The following RSRC1 variants were observed in gnomAD, a reference collection of about 807,000 sequenced individuals.
RSRC1 encodes the protein arginine and serine rich coiled-coil 1, also known as serine/Arginine-related protein 53.
RSRC1 carries 39 observed loss-of-function variants against 49.1 expected under a neutral mutation model. The ratio of observed to expected loss-of-function variants is 0.79; its 90% CI spans 0.61 to 1.04. RSRC1 has a LOEUF of 1.04. RSRC1 is among the 50% of genes least tolerant of loss of function. The pLI, the probability that RSRC1 is intolerant of heterozygous loss-of-function variation, is 0.00. For missense variants in RSRC1, 388 were observed against 402.4 expected (o/e 0.96, Z 0.31); for synonymous variants, 143 against 130.8 (o/e 1.09, Z -0.63).
chr3:158,455,835 C>T (rs890681998), intron 6 of RSRC1, among the ~76,000 whole-genome samples: 4 of 151,774 alleles, frequency 2.6e-5, no homozygotes, highest in Admixed American at 6.6e-5. Flanking sequence ...CAAAAATTAG[C>T]TGGGCATGGT....
intron 5 of RSRC1, among the ~76,000 whole-genome samples, chr3:158,304,798 T>C (rs1408067531): frequency 6.6e-6 from 1 of 152,178 alleles, no homozygotes; most frequent in Non-Finnish European, 1.5e-5. Context: ...ACTGTGATCA[T>C]GAGATGAAAC....
At chr3:158,385,466 A>G (rs1356720400) in intron 6 of RSRC1, among the ~76,000 whole-genome samples, 2 of 152,192 alleles carry the variant, frequency 1.3e-5, no homozygotes, top group African/African-American at 2.4e-5. Flanking sequence ...AAATGAGTGT[A>G]ACTTTGGTAG....
chr3:158,270,825 T>C (rs914795387), intron 4 of RSRC1, among the ~76,000 whole-genome samples: 2 of 152,108 alleles, frequency 1.3e-5, no homozygotes, highest in Admixed American at 1.3e-4. Context: ...AGTGATCAAG[T>C]CTATCTGATA....
At position 158,533,904 on chromosome 3, in the gene RSRC1, G is replaced by A. The variant is rs2108502637; in HGVS notation, c.653-3188G>A. ...GGGATGTGTTAATATTAATAAATTAGCTGGGCAAAGAATCTTCTCTCATTT... is the reference window on the plus strand; with the variant it reads ...GGGATGTGTTAATATTAATAAATTAACTGGGCAAAGAATCTTCTCTCATTT... On this transcript the variant is annotated intron_variant, in intron 7 of 9. Transcript: ENST00000611884. Among the ~76,000 whole-genome samples the A allele has an allele frequency of 2.0e-5, 3 of 151,596 alleles. No individual in the cohort carries two copies. The South Asian group carries it at 6.2e-4, about 31-fold the overall frequency.
At chr3:158,352,965 TATTTTA>T (rs1730955660) in intron 5 of RSRC1, among the ~76,000 whole-genome samples, 1 of 152,238 alleles carries the variant, frequency 6.6e-6, no homozygotes, top group South Asian at 2.1e-4. Flanking sequence ...TTTGCTTTGA[TATTTTA>T]ATTTGATGTC....
intron 5 of RSRC1, among the ~76,000 whole-genome samples, chr3:158,345,788 T>TATATATAC (rs369670608): frequency 2.2e-4 from 33 of 148,784 alleles, no homozygotes; most frequent in South Asian, 8.4e-4. Flanking sequence ...TATATATATA[T>TATATATAC]ACACATATAT....
chr3:158,363,953 A>C (rs1426359110), intron 6 of RSRC1, among the ~76,000 whole-genome samples: 2 of 152,188 alleles, frequency 1.3e-5, no homozygotes, highest in African/African-American at 4.8e-5. Flanking sequence ...TCAGTTATAC[A>C]TACTGTATCC....
intron 6 of RSRC1, among the ~76,000 whole-genome samples, chr3:158,388,348 CTTTA>C (rs1733073982): frequency 6.6e-6 from 1 of 151,750 alleles, no homozygotes. Flanking sequence ...AGTAATATTA[CTTTA>C]TGTTGTGTGT....
At position 158,436,126 on chromosome 3, in the gene RSRC1, G is replaced by A. The variant is rs574565035; in HGVS notation, c.584-24809G>A. Reference sequence around the variant, plus strand: ...TAGTTCAATAAACATTTATCGAGGAGCTAATGAGCCATGTCTGATATGACA... The same window carrying A: ...TAGTTCAATAAACATTTATCGAGGAACTAATGAGCCATGTCTGATATGACA... On this transcript the variant is annotated intron_variant, in intron 6 of 9. Transcript: ENST00000611884. Among the ~76,000 whole-genome samples the A allele has an allele frequency of 3.9e-5, 6 of 151,978 alleles. No individual in the cohort carries two copies. The South Asian group carries it at 1.2e-3, about 32-fold the overall frequency.
chr3:158,200,660 T>C (rs1472651250), intron 3 of RSRC1, among the ~76,000 whole-genome samples: 2 of 152,144 alleles, frequency 1.3e-5, no homozygotes, highest in South Asian at 2.1e-4. Context: ...TTTTCTTCTT[T>C]TTTTAGTAGT....
intron 6 of RSRC1, among the ~76,000 whole-genome samples, chr3:158,412,228 G>C (rs1390517843): frequency 2.0e-5 from 3 of 152,108 alleles, no homozygotes; most frequent in East Asian, 3.8e-4. Context: ...AGAAATGAGA[G>C]AGAAGGAGAA....
chr3:158,196,569 G>T (rs1720633083), intron 3 of RSRC1, among the ~76,000 whole-genome samples: 1 of 152,134 alleles, frequency 6.6e-6, no homozygotes, highest in Non-Finnish European at 1.5e-5. Flanking sequence ...GGGCATCCCT[G>T]TCTTGTGCCA....
intron 7 of RSRC1, among the ~76,000 whole-genome samples, chr3:158,535,787 A>G (rs1393748046): frequency 7.9e-5 from 12 of 151,474 alleles, no homozygotes; most frequent in Admixed American, 7.9e-4. Flanking sequence ...TTAAATAAAC[A>G]AATATTCATG....
At chr3:158,208,076 C>T (rs1721449043) in intron 4 of RSRC1, among the ~76,000 whole-genome samples, 1 of 152,074 alleles carries the variant, frequency 6.6e-6, no homozygotes, top group Non-Finnish European at 1.5e-5. Flanking sequence ...TTCCTTATAA[C>T]ACTGTGTGAA....
chr3:158,528,676 A>G (rs556090470), intron 7 of RSRC1, among the ~76,000 whole-genome samples: 13 of 152,108 alleles, frequency 8.5e-5, no homozygotes, highest in African/African-American at 3.1e-4. Context: ...ATGGACAGCA[A>G]ACAGCAACTG....
intron 4 of RSRC1, among the ~76,000 whole-genome samples, chr3:158,260,911 C>G (rs541272920): frequency 6.6e-6 from 1 of 152,202 alleles, no homozygotes; most frequent in Non-Finnish European, 1.5e-5. Context: ...CAGATTCTGT[C>G]TCTGCACCAC....
chr3:158,228,622 A>G (rs1221433125), intron 4 of RSRC1, among the ~76,000 whole-genome samples: 1 of 151,990 alleles, frequency 6.6e-6, no homozygotes, highest in Non-Finnish European at 1.5e-5. Context: ...TTATCAAACT[A>G]TCATTAGATG....
At chr3:158,180,426 G>GTGTC (rs1316722019) in intron 3 of RSRC1, among the ~76,000 whole-genome samples, 1 of 118,754 alleles carries the variant, frequency 8.4e-6, no homozygotes, top group South Asian at 2.9e-4. Flanking sequence ...TGCCGTGTGT[G>GTGTC]TGTGTGTGTG....
intron 6 of RSRC1, among the ~76,000 whole-genome samples, chr3:158,454,533 T>C (rs761041326): frequency 5.9e-5 from 9 of 152,140 alleles, no homozygotes; most frequent in Admixed American, 2.6e-4. Flanking sequence ...TTCTGTTCAT[T>C]TCATGTATGG....
Sources: allele counts gnomAD v4.1 joint callset (sites outside exome capture counted in the v4.1 genomes callset), GRCh38; gene constraint gnomAD v4.1.1; transcripts MANE v1.5; gene names NCBI Gene and HGNC (gene_info 2026-07-23, HGNC 2026-07-21).